GAS2L1: variants seen among roughly 807,000 people sequenced by gnomAD.
GAS2L1 encodes the protein growth arrest specific 2 like 1.
Under a neutral mutation model 44.0 loss-of-function variants are expected in GAS2L1, and 26 were observed. The observed-to-expected ratio is 0.59, with a 90% CI of 0.43 to 0.82. GAS2L1 has a LOEUF of 0.82. Among genes scored for constraint, GAS2L1 ranks in the 40% least tolerant of loss-of-function variants. The pLI, the probability that GAS2L1 is intolerant of heterozygous loss-of-function variation, is 0.00. For synonymous variants in GAS2L1, 426 were observed against 415.9 expected, an observed-to-expected ratio of 1.02 and a Z score of -0.30; for missense variants, 1,006 against 983.0, an observed-to-expected ratio of 1.02 and a Z score of -0.31.
Position 29,311,730 on chromosome 22 carries a change from G to A in GAS2L1, c.1279G>A (p.Val427Ile), listed in dbSNP as rs1489943714. The change falls in exon 5 of 5, where the codon GTC (valine) becomes ATC (isoleucine). Residue 427 changes from valine (V) to isoleucine (I), a missense_variant. Transcript: ENST00000618518. ...AGGAGGCAGGGGAGCCCAGCTGTCG[G>A]TCCCCAGCCCTGCCCGGCGGGCCCG... 3.3e-6 allele frequency: 5 copies of A among 1,532,228 alleles called. No individual in the cohort carries two copies. The African/African-American group carries it at 6.9e-5, about 21-fold the overall frequency. The allele number at this position is 1,532,228 out of a possible 1,614,324, so 94.9% of individuals were successfully genotyped here. A position where few individuals can be genotyped will look rare whatever the true frequency, so the allele number is the denominator to read the frequency against.
exon 5 of GAS2L1, chr22:29,311,542 G>T: frequency 6.5e-7 from 1 of 1,543,310 alleles, no homozygotes. Context: ...TCCGCCCAGA[G>T]CGGCCCCCTT....
At chr22:29,308,054 C>CA (rs2061365552) in exon 1 of GAS2L1, 2 of 1,469,500 alleles carry the variant, frequency 1.4e-6, no homozygotes, top group East Asian at 4.7e-5. Flanking sequence ...ACTGGGTCCC[C>CA]ACAGCGATCC....
exon 1 of GAS2L1, chr22:29,308,577 G>C: frequency 8.8e-6 from 14 of 1,599,522 alleles, no homozygotes; most frequent in Non-Finnish European, 1.1e-5. Context: ...CCCACGCCTC[G>C]TGCAGTTTGA....
chr22:29,311,430 C>A (rs2061404025), intron 4 of GAS2L1, 32 bp from the exon 6 acceptor site: 3 of 832,830 alleles, frequency 3.6e-6, no homozygotes, highest in African/African-American at 3.5e-5. Flanking sequence ...TTCCGTGGTA[C>A]CCCATCTGTC....
chr22:29,310,545 G>A, exon 2 of GAS2L1: 2 of 1,601,422 alleles, frequency 1.2e-6, no homozygotes, highest in Non-Finnish European at 1.7e-6. Flanking sequence ...ATCTTTGTGC[G>A]GGTAAGGGCC....
exon 1 of GAS2L1, chr22:29,307,073 G>C (rs983559034): frequency 6.6e-6 from 1 of 151,880 alleles, no homozygotes; most frequent in Non-Finnish European, 1.5e-5. Context: ...GCTGCGGCTC[G>C]GGCGGCGCCT....
intron 2 of GAS2L1, 23 bp downstream of exon 3, chr22:29,310,569 G>C: frequency 6.3e-7 from 1 of 1,582,746 alleles, no homozygotes; most frequent in South Asian, 1.1e-5. Flanking sequence ...GGCCGCCCCA[G>C]CGGGCAGCAG....
Position 29,312,334 on chromosome 22 carries a change from C to G in GAS2L1, c.1883C>G (p.Ser628Trp), listed in dbSNP as rs758277407. The G allele has an allele frequency of 1.9e-6, 3 of 1,605,086 alleles. No homozygotes were observed. In the South Asian group the frequency reaches 3.3e-5, roughly 18 times the overall value. Residue 628 changes from serine to tryptophan, a missense_variant, in exon 5 of 5, where the codon TCG becomes TGG. Coordinates refer to ENST00000618518, the Ensembl canonical transcript of GAS2L1. ...AGCCCCCTGGCTTGCACTGAACCCTCGAGGACCTGGGCACGGGGTCGGATG... is the reference window on the plus strand; with the variant it reads ...AGCCCCCTGGCTTGCACTGAACCCTGGAGGACCTGGGCACGGGGTCGGATG...
intron 4 of GAS2L1, 50 bp downstream of exon 5, chr22:29,311,048 T>G (rs1257515906): frequency 6.5e-7 from 1 of 1,542,374 alleles, no homozygotes; most frequent in East Asian, 2.3e-5. Flanking sequence ...TGGGGGGGCG[T>G]CAGCCCTGGC....
At chr22:29,311,030 C>G in intron 4 of GAS2L1, 32 bp downstream of exon 5, 3 of 1,589,636 alleles carry the variant, frequency 1.9e-6, no homozygotes, top group Middle Eastern at 3.8e-4. Flanking sequence ...AGTGAGGGGT[C>G]CAGAGGGTGG....
chr22:29,311,244 G>C (rs903858082), intron 4 of GAS2L1: 24 of 588,110 alleles, frequency 4.1e-5, no homozygotes, highest in South Asian at 6.4e-5. Context: ...CCTGGGAAGG[G>C]GGGTGTCTAG....
chr22:29,308,511 G>A (rs1484534015), exon 1 of GAS2L1: 2 of 1,608,926 alleles, frequency 1.2e-6, no homozygotes, highest in African/African-American at 1.3e-5. Flanking sequence ...CGAGAAGAGC[G>A]TGGTGCTGTG....
exon 3 of GAS2L1, chr22:29,310,685 G>A (rs1283719656): frequency 2.5e-6 from 4 of 1,607,942 alleles, no homozygotes; most frequent in Admixed American, 1.7e-5. Flanking sequence ...GCTGGGACAC[G>A]CTGGAGCATT....
exon 1 of GAS2L1, chr22:29,308,096 C>T (rs1325738259): frequency 2.6e-6 from 4 of 1,536,536 alleles, no homozygotes; most frequent in South Asian, 2.5e-5. Flanking sequence ...GTGACTCGGC[C>T]GGTCCGGGCA....
In GAS2L1 at chr22:29,311,742, G is replaced by A. The variant is rs546465604; in HGVS notation, c.1291G>A (p.Ala431Thr). 2.0e-6 allele frequency: 3 copies of A among 1,533,590 alleles called. No individual in the cohort carries two copies. The South Asian group carries it at 3.6e-5, about 18-fold the overall frequency. The allele number at this position is 1,533,590 out of a possible 1,614,324, so 95.0% of individuals were successfully genotyped here. A position where few individuals can be genotyped will look rare whatever the true frequency, so the allele number is the denominator to read the frequency against. The change falls in exon 5 of 5, where the codon GCC becomes ACC. Residue 431 changes from alanine (A) to threonine (T), a missense_variant. Transcript: ENST00000618518. ...AGCCCAGCTGTCGGTCCCCAGCCCT[G>A]CCCGGCGGGCCCGGAGCCAGAGCCG... is the stretch of plus-strand genomic sequence containing the variant.
At chr22:29,308,668 C>A in exon 1 of GAS2L1, 1 of 1,529,530 alleles carries the variant, frequency 6.5e-7, no homozygotes. Context: ...ACTGAAACCG[C>A]CCCCGCACCA....
exon 1 of GAS2L1, chr22:29,308,664 A>C (rs2061374545): frequency 6.5e-7 from 1 of 1,539,764 alleles, no homozygotes; most frequent in Non-Finnish European, 8.8e-7. Flanking sequence ...CACCACTGAA[A>C]CCGCCCCCGC....
chr22:29,310,988 A>G lies in GAS2L1; in HGVS notation c.1000A>G (p.Thr334Ala), dbSNP rs1012673264. The G allele has an allele frequency of 3.1e-6, 5 of 1,611,972 alleles. No homozygotes were observed. The Admixed American group carries it at 5.0e-5, about 16-fold the overall frequency. ...ACGAAGCACAAAGGAGGGGCCCGAG[A>G]CCCCACCCAGGTGAGATGCAGGAGG... Residue 334 changes from threonine (T) to alanine (A), a missense_variant, in exon 4 of 5, where the codon ACC (threonine) becomes GCC (alanine). By Grantham distance (58) the Thr-to-Ala change is moderately conservative. Transcript: ENST00000618518.
exon 1 of GAS2L1, chr22:29,308,378 T>C (rs770906845): frequency 2.4e-5 from 39 of 1,609,212 alleles, no homozygotes; most frequent in Middle Eastern, 1.7e-4. Flanking sequence ...AGGCGCACAG[T>C]GTAGTGCCTG....
Sources: allele counts gnomAD v4.1 joint callset, GRCh38; gene constraint gnomAD v4.1.1; transcripts MANE v1.5; gene names NCBI Gene and HGNC (gene_info 2026-07-23, HGNC 2026-07-21).